The following ALPK1 variants were observed in gnomAD, a reference collection of about 807,000 sequenced individuals.
The protein encoded by ALPK1 is alpha kinase 1.
Under a neutral mutation model 120.6 loss-of-function variants are expected in ALPK1, and 110 were observed. That is an observed-to-expected ratio of 0.91 (90% CI 0.78 to 1.07). The LOEUF is 1.07. ALPK1 is among the 50% of genes least tolerant of loss of function. The pLI, the probability that ALPK1 is intolerant of heterozygous loss-of-function variation, is 0.00. For synonymous variants in ALPK1, 582 were observed against 560.3 expected (o/e 1.04, Z -0.55); for missense variants, 1,498 against 1,483.9 (o/e 1.01, Z -0.16).
chr4:112,349,834 G>T (rs1417639609), intron 2 of ALPK1, among the ~76,000 whole-genome samples: 1 of 152,098 alleles, frequency 6.6e-6, no homozygotes, highest in Non-Finnish European at 1.5e-5. Context: ...TTACAGGCAC[G>T]AGCCACCACG....
At position 112,404,936 on chromosome 4, in the gene ALPK1, A is replaced by G. The variant is rs1426900163; in HGVS notation, c.277-6891A>G. On this transcript the variant is annotated intron_variant, in intron 4 of 15. Coordinates refer to ENST00000650871, the MANE Select transcript of ALPK1 (RefSeq NM_025144.4). ...AGTACCTTTCTGAATACTCCACCCC[A>G]TGCCCTGTAAATGACAAGACTCTTC... is the stretch of plus-strand genomic sequence containing the variant. 3.3e-5 allele frequency among the ~76,000 whole-genome samples: 5 copies of G among 152,322 alleles called. No homozygotes were observed. The East Asian group carries it at 9.6e-4, about 29-fold the overall frequency.
chr4:112,382,556 G>A lies in ALPK1; in HGVS notation c.276+4G>A. 1 of 1,614,104 alleles carries A rather than the reference G, an allele frequency of 6.2e-7. No individual in the cohort carries two copies. Among genetic ancestry groups the A allele is most frequent in the East Asian group, 2.2e-5 (1 of 44,870 alleles). On this transcript the variant is annotated splice_donor_region_variant and intron_variant, in intron 4 of 15. Coordinates refer to ENST00000650871, the MANE Select transcript of ALPK1 (RefSeq NM_025144.4). ...CGCCGGGTTGCAGCAGTTACTGGTA[G>A]GAAGAGCCACACCACCTGTTCCTCT...
chr4:112,336,554 A>G (rs1321876263), intron 2 of ALPK1, among the ~76,000 whole-genome samples: 2 of 152,224 alleles, frequency 1.3e-5, no homozygotes, highest in Admixed American at 6.5e-5. Context: ...TAAAATTCAC[A>G]TATCATAAAA....
At chr4:112,356,028 T>C (rs1730595153) in intron 2 of ALPK1, 1 of 709,004 alleles carries the variant, frequency 1.4e-6, no homozygotes, top group African/African-American at 1.7e-5. Flanking sequence ...CTCGCATCAC[T>C]TACCAAGAGC....
chr4:112,339,703 G>T (rs1018983668), intron 2 of ALPK1, among the ~76,000 whole-genome samples: 1 of 152,218 alleles, frequency 6.6e-6, no homozygotes, highest in South Asian at 2.1e-4. Flanking sequence ...TGGCAGCTCA[G>T]TTGGATATAG....
At chr4:112,375,747 A>AT (rs369871364) in intron 2 of ALPK1, among the ~76,000 whole-genome samples, 1,540 of 142,692 alleles carry the variant, frequency 0.011, 8 homozygotes, top group African/African-American at 0.032. Context: ...TCTTCAAGAA[A>AT]TTTTTTTTTT....
rs552793914 is a variant in ALPK1 at position 112,357,225 on chromosome 4, T to A, written c.-100-20453T>A. The A allele has an allele frequency of 1.6e-5, 25 of 1,521,812 alleles. No homozygotes were observed. In the African/African-American group the frequency reaches 3.0e-4, roughly 18 times the overall value. The allele number at this position is 1,521,812 out of a possible 1,614,324, so 94.3% of individuals were successfully genotyped here. On this transcript the variant is annotated intron_variant, in intron 2 of 15. Transcript: ENST00000650871. Reference sequence around the variant, plus strand: ...ACGTTTCAGACCAAGGGCTGCATCCTGGACTCACTGGACCAGATCATCCAG... The same window carrying A: ...ACGTTTCAGACCAAGGGCTGCATCCAGGACTCACTGGACCAGATCATCCAG...
At chr4:112,338,538 C>A (rs1164336756) in intron 2 of ALPK1, among the ~76,000 whole-genome samples, 1 of 151,716 alleles carries the variant, frequency 6.6e-6, no homozygotes, top group African/African-American at 2.4e-5. Flanking sequence ...ATATATGTAA[C>A]GGATAAGAGG....
At chr4:112,324,273 G>A (rs1216078086) in intron 2 of ALPK1, among the ~76,000 whole-genome samples, 4 of 150,066 alleles carry the variant, frequency 2.7e-5, no homozygotes, top group African/African-American at 4.9e-5. Flanking sequence ...CTTGCAGTGA[G>A]CCGAGATCAT....
intron 4 of ALPK1, among the ~76,000 whole-genome samples, chr4:112,403,215 C>A (rs758176115): frequency 2.0e-5 from 3 of 151,872 alleles, no homozygotes; most frequent in African/African-American, 4.8e-5. Flanking sequence ...GCCCCCTCCC[C>A]GGCATACATT....
chr4:112,366,080 C>T (rs1578504677), intron 2 of ALPK1, among the ~76,000 whole-genome samples: 1 of 152,014 alleles, frequency 6.6e-6, no homozygotes, highest in African/African-American at 2.4e-5. Context: ...AGACTTAAAT[C>T]TAAGACCTAA....
intron 1 of ALPK1, among the ~76,000 whole-genome samples, chr4:112,307,475 T>C (rs1728145063): frequency 6.6e-6 from 1 of 152,142 alleles, no homozygotes; most frequent in Admixed American, 6.5e-5. Flanking sequence ...TTAGCTCTTC[T>C]TGGTGAATTG....
At chr4:112,432,662 C>G (rs541279998) in intron 11 of ALPK1, 81 bp downstream of exon 11, 129 of 1,348,332 alleles carry the variant, frequency 9.6e-5, no homozygotes, top group Non-Finnish European at 1.3e-4. Flanking sequence ...ATGTAGATCA[C>G]TTAAAGCTCA....
At chr4:112,390,719 T>C (rs1432776251) in intron 4 of ALPK1, among the ~76,000 whole-genome samples, 2 of 152,246 alleles carry the variant, frequency 1.3e-5, no homozygotes, top group Non-Finnish European at 2.9e-5. Flanking sequence ...TGGCCCACAG[T>C]CAGACAATTG....
At chr4:112,346,382 T>C (rs1033164913) in intron 2 of ALPK1, among the ~76,000 whole-genome samples, 15 of 152,248 alleles carry the variant, frequency 9.9e-5, no homozygotes, top group Admixed American at 7.9e-4. Context: ...CGACATTCAT[T>C]GTGGATTTAT....
intron 3 of ALPK1, 148 bp downstream of exon 3, chr4:112,378,046 G>A: frequency 3.2e-6 from 3 of 939,116 alleles, no homozygotes; most frequent in Non-Finnish European, 4.4e-6. Context: ...GGCATGAATG[G>A]GACATGGGCT....
At chr4:112,303,898 C>A (rs1727902336) in intron 1 of ALPK1, among the ~76,000 whole-genome samples, 1 of 152,110 alleles carries the variant, frequency 6.6e-6, no homozygotes, top group Non-Finnish European at 1.5e-5. Flanking sequence ...ATCCCTCCCC[C>A]ATTCCCCAAC....
intron 4 of ALPK1, among the ~76,000 whole-genome samples, chr4:112,406,165 A>G (rs531099253): frequency 1.3e-5 from 2 of 152,306 alleles, no homozygotes; most frequent in African/African-American, 4.8e-5. Context: ...TGTCAAAGAG[A>G]TATTTGCACA....
intron 4 of ALPK1, among the ~76,000 whole-genome samples, chr4:112,399,906 T>C (rs1732832461): frequency 6.6e-6 from 1 of 152,226 alleles, no homozygotes. Flanking sequence ...GCTTCATCCA[T>C]GTCCCTGCAA....
Sources: allele counts gnomAD v4.1 joint callset (sites outside exome capture counted in the v4.1 genomes callset), GRCh38; gene constraint gnomAD v4.1.1; transcripts MANE v1.5; gene names NCBI Gene and HGNC (gene_info 2026-07-23, HGNC 2026-07-21).